Variants in DLGAP1 observed in about 807,000 individuals in gnomAD.
The protein encoded by DLGAP1 is DLG associated protein 1.
DLGAP1 carries 11 observed loss-of-function variants against 90.8 expected under a neutral mutation model. The observed-to-expected ratio is 0.12, with a 90% CI of 0.08 to 0.20. The LOEUF (loss-of-function observed/expected upper bound fraction) is 0.20. Among genes scored for constraint, DLGAP1 ranks in the 10% least tolerant of loss-of-function variants. The pLI, the probability that DLGAP1 is intolerant of heterozygous loss-of-function variation, is 1.00. For missense variants in DLGAP1, 1,050 were observed against 1,333.8 expected, an observed-to-expected ratio of 0.79 and a Z score of 3.31; for synonymous variants, 558 against 540.7, an observed-to-expected ratio of 1.03 and a Z score of -0.44.
rs55840615 is a variant in DLGAP1 at position 4,368,636 on chromosome 18, TACACACACACACACACACACACAC to T, written c.-267+86346_-267+86369del. 2.7e-3 allele frequency among the ~76,000 whole-genome samples: 365 copies of T among 135,030 alleles called. 3 individuals carry two copies. The highest frequency in any genetic ancestry group is 9.4e-3 in the African/African-American group (333 of 35,424). The allele number at this position is 135,030 out of a possible 152,430, so 88.6% of individuals were successfully genotyped here. A position where few individuals can be genotyped will look rare whatever the true frequency, so the allele number is the denominator to read the frequency against. ...TTAAAATCTCTCTCTCTCTCTCTCATACACACACACACACACACACACACACACACACACACACACACACACATC... is the reference window on the plus strand; with the variant it reads ...TTAAAATCTCTCTCTCTCTCTCTCATACACACACACACACACACACACATC... On this transcript the variant is annotated intron_variant, in intron 1 of 12. Coordinates refer to ENST00000315677, the MANE Select transcript of DLGAP1 (RefSeq NM_004746.4).
At chr18:3,777,036 C>T (rs993437220) in intron 5 of DLGAP1, among the ~76,000 whole-genome samples, 4 of 152,108 alleles carry the variant, frequency 2.6e-5, no homozygotes, top group African/African-American at 9.7e-5. Flanking sequence ...ATCCTCCTGC[C>T]TCAGCCTGAC....
At position 3,524,241 on chromosome 18, in the gene DLGAP1, C is replaced by T. The variant is rs191469669; in HGVS notation, c.2479+9953G>A. 1.9e-4 allele frequency among the ~76,000 whole-genome samples: 29 copies of T among 151,946 alleles called. No homozygotes were observed. The East Asian group carries it at 5.6e-3, about 29-fold the overall frequency. ...AGTAAGCTATCATCACACCACTGCA[C>T]TCCAGCCTTGGTGACAAAGTGAGAC... is the stretch of plus-strand genomic sequence containing the variant. On this transcript the variant is annotated intron_variant, in intron 10 of 12. Coordinates refer to ENST00000315677, the MANE Select transcript of DLGAP1 (RefSeq NM_004746.4).
intron 7 of DLGAP1, among the ~76,000 whole-genome samples, chr18:3,658,394 C>T (rs181777835): frequency 1.3e-5 from 2 of 152,276 alleles, no homozygotes; most frequent in African/African-American, 4.8e-5. Context: ...GCACCACTGC[C>T]ATAACTGATG....
At chr18:4,060,387 G>A (rs1306983501) in intron 2 of DLGAP1, among the ~76,000 whole-genome samples, 2 of 152,150 alleles carry the variant, frequency 1.3e-5, no homozygotes, top group African/African-American at 4.8e-5. Flanking sequence ...TTCCCAAGAT[G>A]GGTACCTGCT....
intron 7 of DLGAP1, among the ~76,000 whole-genome samples, chr18:3,693,091 A>C (rs748984250): frequency 3.3e-5 from 5 of 152,110 alleles, no homozygotes; most frequent in African/African-American, 1.2e-4. Flanking sequence ...GAGGCAAACT[A>C]TATTTTCTTT....
intron 7 of DLGAP1, chr18:3,680,322 G>A (rs1239898696): frequency 6.5e-6 from 1 of 152,784 alleles, no homozygotes; most frequent in Admixed American, 6.5e-5. Context: ...CATCCACAGA[G>A]TGTGGGGACC....
chr18:4,427,351 G>C (rs936334650), intron 1 of DLGAP1, among the ~76,000 whole-genome samples: 1 of 152,164 alleles, frequency 6.6e-6, no homozygotes, highest in Non-Finnish European at 1.5e-5. Context: ...GACTTGGAGG[G>C]ATACCTTAGC....
chr18:4,257,979 G>GTC (rs2078926644), intron 1 of DLGAP1, among the ~76,000 whole-genome samples: 1 of 139,332 alleles, frequency 7.2e-6, no homozygotes. Context: ...ACATATGTGT[G>GTC]TGTGTGTGTG....
At chr18:3,778,613 C>A (rs1259237694) in intron 5 of DLGAP1, among the ~76,000 whole-genome samples, 1 of 152,058 alleles carries the variant, frequency 6.6e-6, no homozygotes, top group African/African-American at 2.4e-5. Context: ...GGCAGGGAGA[C>A]CTGTGCACAG....
intron 8 of DLGAP1, among the ~76,000 whole-genome samples, chr18:3,576,726 G>T (rs1266836449): frequency 6.8e-6 from 1 of 148,044 alleles, no homozygotes; most frequent in Non-Finnish European, 1.5e-5. Context: ...CACCATGCCC[G>T]GCTAATTTTT....
At chr18:3,971,617 CA>C (rs1472224488) in intron 3 of DLGAP1, among the ~76,000 whole-genome samples, 1 of 152,092 alleles carries the variant, frequency 6.6e-6, no homozygotes, top group African/African-American at 2.4e-5. Flanking sequence ...TATATTGTTC[CA>C]AGACTTAACT....
intron 4 of DLGAP1, among the ~76,000 whole-genome samples, chr18:3,841,600 A>G (rs2068721196): frequency 1.3e-5 from 2 of 152,196 alleles, no homozygotes; most frequent in African/African-American, 4.8e-5. Context: ...CCATTCCTTA[A>G]TATCAGCATC....
chr18:3,745,079 C>T (rs1219416723), intron 5 of DLGAP1, among the ~76,000 whole-genome samples: 1 of 152,130 alleles, frequency 6.6e-6, no homozygotes, highest in African/African-American at 2.4e-5. Flanking sequence ...CCTCATATTA[C>T]AAAAGACCAC....
chr18:4,354,924 A>AAAAAAAAAAAAC (rs2081475841), intron 1 of DLGAP1, among the ~76,000 whole-genome samples: 1 of 118,440 alleles, frequency 8.4e-6, no homozygotes, highest in Non-Finnish European at 1.7e-5. Flanking sequence ...AAAAAAAAAA[A>AAAAAAAAAAAAC]TCCTCTCTAC....
At chr18:3,747,430 T>C (rs563196489) in intron 5 of DLGAP1, among the ~76,000 whole-genome samples, 2 of 152,336 alleles carry the variant, frequency 1.3e-5, no homozygotes, top group East Asian at 3.9e-4. Flanking sequence ...GAATCGTAGC[T>C]GGAAGCATTT....
chr18:3,913,674 T>G (rs1312565971), intron 3 of DLGAP1, among the ~76,000 whole-genome samples: 1 of 152,202 alleles, frequency 6.6e-6, no homozygotes, highest in Non-Finnish European at 1.5e-5. Flanking sequence ...TATCTGATAG[T>G]TTTAGGTTCT....
chr18:4,056,760 G>A (rs957280625), intron 2 of DLGAP1, among the ~76,000 whole-genome samples: 2 of 152,214 alleles, frequency 1.3e-5, no homozygotes, highest in Admixed American at 1.3e-4. Flanking sequence ...CTGGGGGACT[G>A]ATTTGGTTTC....
At chr18:3,620,850 G>A (rs996579608) in intron 7 of DLGAP1, among the ~76,000 whole-genome samples, 5 of 152,104 alleles carry the variant, frequency 3.3e-5, no homozygotes, top group African/African-American at 7.2e-5. Context: ...GAGCCACCAC[G>A]TCCGGCCTGG....
chr18:3,926,401 CAT>C (rs35464708), intron 3 of DLGAP1, among the ~76,000 whole-genome samples: 44,792 of 145,088 alleles, frequency 0.31, 7,408 homozygotes, highest in Middle Eastern at 0.46. Flanking sequence ...AAGCAAATGA[CAT>C]ATATATATAT....
Sources: allele counts gnomAD v4.1 joint callset (sites outside exome capture counted in the v4.1 genomes callset), GRCh38; gene constraint gnomAD v4.1.1; transcripts MANE v1.5; gene names NCBI Gene and HGNC (gene_info 2026-07-23, HGNC 2026-07-21).